ZNF682: variants seen among roughly 807,000 people sequenced by gnomAD.
ZNF682 encodes zinc finger protein 682.
In ZNF682, 29 loss-of-function variants were observed where a neutral mutation model predicts 36.5. That is an observed-to-expected ratio of 0.80 (90% CI 0.59 to 1.08). The LOEUF is 1.08. ZNF682 is among the 50% of genes least tolerant of loss of function. ZNF682 has a pLI of 0.00. For synonymous variants in ZNF682, 180 were observed against 197.0 expected, an observed-to-expected ratio of 0.91 and a Z score of 0.72; for missense variants, 561 against 579.7, an observed-to-expected ratio of 0.97 and a Z score of 0.33.
chr19:20,010,812 A>C (rs530813905), intron 3 of ZNF682, among the ~76,000 whole-genome samples: 1 of 151,854 alleles, frequency 6.6e-6, no homozygotes, highest in African/African-American at 2.4e-5. Flanking sequence ...TAAAAATACA[A>C]AAATTAGCTG....
At chr19:20,033,032 G>A (rs1266293753) in intron 1 of ZNF682, among the ~76,000 whole-genome samples, 2 of 152,162 alleles carry the variant, frequency 1.3e-5, no homozygotes, top group African/African-American at 4.8e-5. Context: ...TTGGGAGGCC[G>A]AGGTGGGCAG....
In ZNF682 at chr19:20,004,759, G is replaced by GAC. The variant is rs2088196512; in HGVS notation, c.*1244_*1245dup. ...CTTTCATACAGACACTAGGAATAAA[G>GAC]ACACAGCATCAAGTAATTTGAGAGT... On this transcript the variant is annotated 3_prime_UTR_variant, in exon 4 of 4. Coordinates refer to ENST00000397165, the MANE Select transcript of ZNF682 (RefSeq NM_033196.3). The GAC allele has an allele frequency of 1.3e-5, 2 of 152,196 alleles. No individual in the cohort carries two copies. Among genetic ancestry groups the GAC allele is most frequent in the Admixed American group, 6.5e-5 (1 of 15,276 alleles). 9.4% of individuals were successfully genotyped at this position (152,196 alleles called of 1,614,324 possible). A position where few individuals can be genotyped will look rare whatever the true frequency, so the allele number is the denominator to read the frequency against.
intron 3 of ZNF682, among the ~76,000 whole-genome samples, chr19:19,999,322 G>GAAACA (rs955599597): frequency 9.9e-5 from 15 of 152,148 alleles, no homozygotes; most frequent in Non-Finnish European, 1.5e-4. Flanking sequence ...CCAAAGTGTT[G>GAAACA]AAACAAAACA....
chr19:20,004,693 T>C lies in ZNF682; in HGVS notation c.*1312A>G, dbSNP rs1246378717. On this transcript the variant is annotated 3_prime_UTR_variant, in exon 4 of 4. Transcript: ENST00000397165. ...AAAGTATGTAAATGACATCCTAATA[T>C]AGAACTTCTCAAACCCCGAGCAGCA... 1.3e-5 allele frequency: 2 copies of C among 152,312 alleles called. No homozygotes were observed. The highest frequency in any genetic ancestry group is 1.3e-4 in the Admixed American group (2 of 15,288). 9.4% of individuals were successfully genotyped at this position (152,312 alleles called of 1,614,324 possible).
intron 1 of ZNF682, among the ~76,000 whole-genome samples, chr19:20,024,862 C>T (rs953999072): frequency 1.3e-5 from 2 of 152,152 alleles, no homozygotes; most frequent in Non-Finnish European, 2.9e-5. Flanking sequence ...AATGTAGATA[C>T]TTTTCTAAAT....
intron 3 of ZNF682, chr19:20,015,842 C>A (rs929499803): frequency 2.5e-6 from 1 of 397,890 alleles, no homozygotes; most frequent in African/African-American, 2.1e-5. Flanking sequence ...TGTAATCTAG[C>A]CTGCAGAAGC....
chr19:20,022,599 G>T (rs2088395353), intron 3 of ZNF682, among the ~76,000 whole-genome samples: 1 of 151,954 alleles, frequency 6.6e-6, no homozygotes, highest in African/African-American at 2.4e-5. Context: ...GGAGGCAGAG[G>T]TTATGGTGAG....
At chr19:20,028,501 C>A (rs558983801) in intron 1 of ZNF682, among the ~76,000 whole-genome samples, 1 of 152,078 alleles carries the variant, frequency 6.6e-6, no homozygotes, top group Admixed American at 6.6e-5. Flanking sequence ...TGTGAGTCAC[C>A]GTGCCCAGTC....
rs935743719 is a variant in ZNF682, at chr19:20,005,224, C to G, written c.*781G>C. ...CCCAGTAGCTGGGACTACAGGCACC[C>G]GACAACATGCCCAGCTAATTTTTTG... On this transcript the variant is annotated 3_prime_UTR_variant, in exon 4 of 4. Coordinates refer to ENST00000397165, the MANE Select transcript of ZNF682 (RefSeq NM_033196.3). The G allele has an allele frequency of 6.6e-6, 1 of 152,032 alleles. No individual in the cohort carries two copies. Among genetic ancestry groups the G allele is most frequent in the Non-Finnish European group, 1.5e-5 (1 of 68,030 alleles). 9.4% of individuals were successfully genotyped at this position (152,032 alleles called of 1,614,324 possible). A position where few individuals can be genotyped will look rare whatever the true frequency, so the allele number is the denominator to read the frequency against.
chr19:19,999,646 T>C (rs1175596550), downstream of ZNF682, among the ~76,000 whole-genome samples: 1 of 152,186 alleles, frequency 6.6e-6, no homozygotes, highest in Non-Finnish European at 1.5e-5. Flanking sequence ...GTGATTCTCC[T>C]GCCTCAGCCT....
chr19:20,031,373 G>C (rs1225224668), intron 1 of ZNF682, among the ~76,000 whole-genome samples: 1 of 152,186 alleles, frequency 6.6e-6, no homozygotes, highest in East Asian at 1.9e-4. Flanking sequence ...AACTGCAGCA[G>C]GTCAGAGGAC....
chr19:20,036,736 G>A lies in ZNF682; in HGVS notation c.3+2607C>T, dbSNP rs1204854904. ...AATCCCAGCATTTTGGAAGGCCAAGGCAGGAGGATCTCTTAAGGCCAGGTG... is the reference window on the plus strand; with the variant it reads ...AATCCCAGCATTTTGGAAGGCCAAGACAGGAGGATCTCTTAAGGCCAGGTG... On this transcript the variant is annotated intron_variant, in intron 1 of 3. Transcript: ENST00000397165. Among the ~76,000 whole-genome samples the A allele has an allele frequency of 1.6e-4, 24 of 147,460 alleles. No individual in the cohort carries two copies. In the Admixed American group the frequency reaches 1.7e-3, roughly 10 times the overall value.
In ZNF682 at chr19:20,039,219, C is replaced by T. The variant is rs559109300; in HGVS notation, c.3+124G>A. The T allele has an allele frequency of 1.5e-4, 224 of 1,481,500 alleles. 5 individuals carry two copies. In the East Asian group the frequency reaches 5.1e-3, roughly 34 times the overall value. The allele number at this position is 1,481,500 out of a possible 1,614,324, so 91.8% of individuals were successfully genotyped here. ...TGATCGACGGCCGAGCTGTGCCTGC[C>T]GGGGACTCCAGTCCGCAGACTCCGG... On this transcript the variant is annotated intron_variant, in intron 1 of 3. Coordinates refer to ENST00000397165, the MANE Select transcript of ZNF682 (RefSeq NM_033196.3).
rs772958560 is a variant in ZNF682 at position 20,024,283 on chromosome 19, T to C, written c.97A>G (p.Met33Val). The C allele has an allele frequency of 1.2e-6, 2 of 1,614,134 alleles. No individual in the cohort carries two copies. The highest frequency in any genetic ancestry group is 2.2e-5 in the East Asian group (1 of 44,870). ...PAQQSLYRKV[M>V]LENYRNLVSL... ...ACCAGGTTTCTGTAGTTCTCTAGCA[T>C]CACTTTCCTATACAAACTCTGCTGA... The change falls in exon 2 of 4, where the codon ATG becomes GTG. Residue 33 changes from methionine to valine, a missense_variant. Coordinates refer to ENST00000397165, the MANE Select transcript of ZNF682 (RefSeq NM_033196.3).
chr19:20,036,814 GAA>G (rs869238931), intron 1 of ZNF682, among the ~76,000 whole-genome samples: 5 of 19,866 alleles, frequency 2.5e-4, no homozygotes, highest in Admixed American at 8.0e-4. Context: ...AAAAAAAAAA[GAA>G]AAAAAAAAAA....
intron 3 of ZNF682, among the ~76,000 whole-genome samples, chr19:20,022,739 T>C (rs1274327190): frequency 6.6e-6 from 1 of 151,978 alleles, no homozygotes; most frequent in African/African-American, 2.4e-5. Context: ...CCCAAGACAA[T>C]GAAAGGGCAG....
At chr19:20,033,836 G>C (rs1295035730) in intron 1 of ZNF682, 1 of 152,824 alleles carries the variant, frequency 6.5e-6, no homozygotes, top group Non-Finnish European at 1.5e-5. Flanking sequence ...TTACAGGCAT[G>C]AGCCACCACG....
In ZNF682 at chr19:20,024,329, C is replaced by G; in HGVS notation, c.51G>C (p.Glu17Asp). 1 of 1,613,958 alleles carries G rather than the reference C, an allele frequency of 6.2e-7. No homozygotes were observed. The highest frequency in any genetic ancestry group is 8.5e-7 in the Non-Finnish European group (1 of 1,179,904). The stretch of plus-strand genomic sequence containing the variant: ...GCTGAGCAGGGTTCAGAAACTCCCA[C>G]TCCTCCAGAGAGAATTCTATGGTCA... ...RDVTIEFSLE[E>D]WEFLNPAQQS... The change falls in exon 2 of 4, where the codon GAG (glutamate) becomes GAC (aspartate). Residue 17 changes from glutamate (E) to aspartate (D), a missense_variant. Coordinates refer to ENST00000397165, the MANE Select transcript of ZNF682 (RefSeq NM_033196.3).
At chr19:20,034,948 C>G in intron 1 of ZNF682, among the ~76,000 whole-genome samples, 2 of 151,658 alleles carry the variant, frequency 1.3e-5, no homozygotes, top group South Asian at 4.2e-4. Context: ...ATCCAAAAAC[C>G]AGCCGGGCAT....
Sources: gnomAD v4.1 joint callset for allele counts (sites outside exome capture counted in the v4.1 genomes callset) on GRCh38, gnomAD v4.1.1 for gene constraint, MANE v1.5 for transcripts, NCBI Gene and HGNC (gene_info 2026-07-23, HGNC 2026-07-21) for gene names.